Variants in SEC24A observed in about 807,000 individuals in gnomAD.
SEC24A encodes protein transport protein Sec24A.
A neutral mutation model predicts 129.4 loss-of-function variants in SEC24A; 93 were observed. That is an observed-to-expected ratio of 0.72 (90% CI 0.61 to 0.85). The LOEUF (loss-of-function observed/expected upper bound fraction) is 0.85, where lower values mean the gene tolerates loss of function less well. SEC24A is among the 40% of genes least tolerant of loss of function. The pLI, the probability that SEC24A is intolerant of heterozygous loss-of-function variation, is 0.00. For synonymous variants in SEC24A, 460 were observed against 467.3 expected, an observed-to-expected ratio of 0.98 and a Z score of 0.20; for missense variants, 1,264 against 1,307.4, an observed-to-expected ratio of 0.97 and a Z score of 0.51.
rs980338966 is a variant in SEC24A, at chr5:134,693,546, C to T, written c.1780-181C>T. ...GCCCAACTTTGATTTGTCTTGCTTG[C>T]CAATTTATAATGTTGACTTAAAATG... On this transcript the variant is annotated intron_variant, in intron 12 of 22. Coordinates refer to ENST00000398844, the MANE Select transcript of SEC24A (RefSeq NM_021982.3). 24 of 1,427,580 alleles carry T rather than the reference C, an allele frequency of 1.7e-5. No homozygotes were observed. In the African/African-American group the frequency reaches 3.3e-4, roughly 20 times the overall value. 88.4% of individuals were successfully genotyped at this position (1,427,580 alleles called of 1,614,324 possible).
chr5:134,682,407 A>T lies in SEC24A; in HGVS notation c.1416A>T (p.Arg472Ser), dbSNP rs1477792695. The T allele has an allele frequency of 1.2e-6, 2 of 1,607,112 alleles. No homozygotes were observed. Among genetic ancestry groups the T allele is most frequent in the Non-Finnish European group, 1.7e-6 (2 of 1,173,902 alleles). ...PEEFLYNPLT[R>S]VYGEPHRRPE... is the part of the protein sequence containing the mutation. Reference sequence around the variant, plus strand: ...AATTCTTGTACAACCCTTTGACCAGAGTTTATGGAGAACCTCACAGAAGAC... The same window carrying T: ...AATTCTTGTACAACCCTTTGACCAGTGTTTATGGAGAACCTCACAGAAGAC... Residue 472 changes from arginine to serine, a missense_variant, in exon 9 of 23, where the codon AGA becomes AGT. Coordinates refer to ENST00000398844, the MANE Select transcript of SEC24A (RefSeq NM_021982.3).
rs111300261 is a variant in SEC24A, at chr5:134,709,529, C to T, written c.2727+641C>T. Among the ~76,000 whole-genome samples, 590 of 152,310 alleles carry T rather than the reference C, an allele frequency of 3.9e-3. 3 individuals are homozygous for T. Among genetic ancestry groups the T allele is most frequent in the African/African-American group, 0.014 (565 of 41,578 alleles). On this transcript the variant is annotated intron_variant, in intron 18 of 22. Coordinates refer to ENST00000398844, the MANE Select transcript of SEC24A (RefSeq NM_021982.3). ...GCTGATGCAAGAAGGCACACATGCACTGTGTGTTCTCACTTATATGTGAAA... is the reference window on the plus strand; with the variant it reads ...GCTGATGCAAGAAGGCACACATGCATTGTGTGTTCTCACTTATATGTGAAA...
chr5:134,697,930 C>T lies in SEC24A; in HGVS notation c.2139C>T (p.Val713=). Residue 713 remains valine, a synonymous_variant, in exon 15 of 23, where the codon GTC becomes GTT. Transcript: ENST00000398844. ...TTTCTCGGTATTCAGCAGGTAGTGT[C>T]TATTACTATCCCTCTTACCATCATC... ...GCISRYSAGS[V]YYYPSYHHQH... 1 of 1,613,736 alleles carries T rather than the reference C, an allele frequency of 6.2e-7. No homozygotes were observed. Among genetic ancestry groups the T allele is most frequent in the Non-Finnish European group, 8.5e-7 (1 of 1,179,832 alleles).
chr5:134,664,244 T>C (rs1000674982), intron 2 of SEC24A, among the ~76,000 whole-genome samples: 2 of 152,168 alleles, frequency 1.3e-5, no homozygotes, highest in African/African-American at 4.8e-5. Flanking sequence ...ATTTTTTTTC[T>C]TTTTTCCAAC....
rs1216813061 is a variant in SEC24A, at chr5:134,721,103, T to C, written c.3063+13T>C. ...TCCACAGCCTATGGTAAGACTCTTT[T>C]ATTATAGTGATTATAAAGGGCATTT... On this transcript the variant is annotated intron_variant, in intron 21 of 22. Transcript: ENST00000398844. 6.7e-7 allele frequency: 1 copy of C among 1,490,638 alleles called. No homozygotes were observed. Among genetic ancestry groups the C allele is most frequent in the Non-Finnish European group, 9.3e-7 (1 of 1,071,068 alleles). The allele number at this position is 1,490,638 out of a possible 1,614,324, so 92.3% of individuals were successfully genotyped here.
At chr5:134,668,737 A>G (rs553936293) in intron 3 of SEC24A, among the ~76,000 whole-genome samples, 27 of 150,988 alleles carry the variant, frequency 1.8e-4, no homozygotes, top group Middle Eastern at 6.9e-3. Flanking sequence ...ACACACACAA[A>G]AAAAACCAAT....
At chr5:134,700,145 C>T (rs560894195) in intron 15 of SEC24A, among the ~76,000 whole-genome samples, 7 of 151,658 alleles carry the variant, frequency 4.6e-5, no homozygotes, top group African/African-American at 1.7e-4. Flanking sequence ...GGGTGTGGAG[C>T]ACAGATTGAG....
At chr5:134,703,034 G>A (rs1043963889) in intron 15 of SEC24A, among the ~76,000 whole-genome samples, 1 of 152,038 alleles carries the variant, frequency 6.6e-6, no homozygotes, top group African/African-American at 2.4e-5. Flanking sequence ...GAAAGTGTTG[G>A]GATTACAGGC....
chr5:134,661,984 T>C (rs1005127270), intron 2 of SEC24A, among the ~76,000 whole-genome samples: 1 of 151,288 alleles, frequency 6.6e-6, no homozygotes, highest in Admixed American at 6.6e-5. Flanking sequence ...CACGTGCCAC[T>C]GCACCCAGCT....
chr5:134,675,512 T>A (rs113246402), intron 6 of SEC24A, among the ~76,000 whole-genome samples: 2,021 of 152,304 alleles, frequency 0.013, 17 homozygotes, highest in Middle Eastern at 0.041. Context: ...CAGGGATTTG[T>A]TTCTACATAA....
intron 19 of SEC24A, among the ~76,000 whole-genome samples, chr5:134,717,659 CTGTAACAGCACTTT>C (rs1279946968): frequency 2.6e-5 from 4 of 151,600 alleles, no homozygotes. Flanking sequence ...TAGCTCACGC[CTGTAACAGCACTTT>C]GGGAGGCCGA....
At chr5:134,699,994 C>T (rs1751954355) in intron 15 of SEC24A, among the ~76,000 whole-genome samples, 1 of 151,920 alleles carries the variant, frequency 6.6e-6, no homozygotes, top group Non-Finnish European at 1.5e-5. Flanking sequence ...AGCCACCGCA[C>T]CCAGCCTGTA....
At chr5:134,657,818 G>A (rs981221098) in intron 1 of SEC24A, among the ~76,000 whole-genome samples, 4 of 152,046 alleles carry the variant, frequency 2.6e-5, no homozygotes, top group African/African-American at 9.7e-5. Flanking sequence ...GTCAAGCCGT[G>A]CTCCCACCTT....
chr5:134,712,134 C>T (rs1752345389), intron 18 of SEC24A, among the ~76,000 whole-genome samples: 1 of 152,084 alleles, frequency 6.6e-6, no homozygotes, highest in Admixed American at 6.6e-5. Flanking sequence ...ACCAGGCCTT[C>T]ATCTTGTATT....
Position 134,673,501 on chromosome 5 carries a change from C to T in SEC24A, c.818-1114C>T, listed in dbSNP as rs556630713. Among the ~76,000 whole-genome samples the T allele has an allele frequency of 1.5e-4, 23 of 152,212 alleles. 1 individual carries two copies. In the South Asian group the frequency reaches 4.8e-3, roughly 32 times the overall value. On this transcript the variant is annotated intron_variant, in intron 4 of 22. Coordinates refer to ENST00000398844, the MANE Select transcript of SEC24A (RefSeq NM_021982.3). ...TGTTTTTGAGACAGTTTCCCTCTGT[C>T]GTCCAGGCTGGAGTGCAGTGGGCAC...
At chr5:134,685,351 GCAA>G (rs2150090631) in intron 9 of SEC24A, among the ~76,000 whole-genome samples, 1 of 150,130 alleles carries the variant, frequency 6.7e-6, no homozygotes, top group Admixed American at 6.7e-5. Context: ...GAGTGACAGA[GCAA>G]CACCTTCTCT....
intron 18 of SEC24A, among the ~76,000 whole-genome samples, chr5:134,710,022 C>G (rs369452796): frequency 2.6e-5 from 4 of 152,024 alleles, no homozygotes; most frequent in Admixed American, 1.3e-4. Flanking sequence ...GCCTCAGCCT[C>G]CTGAGTAGCT....
chr5:134,721,750 T>C (rs1471082376), intron 21 of SEC24A, among the ~76,000 whole-genome samples: 3 of 152,036 alleles, frequency 2.0e-5, no homozygotes, highest in Non-Finnish European at 4.4e-5. Context: ...CACACAACTG[T>C]GGTCTTAGCT....
Position 134,723,650 on chromosome 5 carries a change from C to T in SEC24A, c.3147C>T (p.Phe1049=), listed in dbSNP as rs775937591. 6.2e-6 allele frequency: 10 copies of T among 1,604,034 alleles called. No individual in the cohort carries two copies. Among genetic ancestry groups the T allele is most frequent in the Non-Finnish European group, 1.7e-6 (2 of 1,171,208 alleles). Residue 1049 remains phenylalanine (F), a synonymous_variant, in exon 22 of 23, where the codon TTC becomes TTT. Transcript: ENST00000398844. ...GGCTTAGAGAGCAGAGACCATTTTT[C>T]CCAATACTTTATGTAATAAGGTAAG... The part of the protein sequence containing the change: ...ISWLREQRPF[F]PILYVIRDES...
Sources: allele counts gnomAD v4.1 joint callset (sites outside exome capture counted in the v4.1 genomes callset), GRCh38; gene constraint gnomAD v4.1.1; transcripts MANE v1.5; gene names NCBI Gene and HGNC (gene_info 2026-07-23, HGNC 2026-07-21).